NOSIP: variants seen among roughly 807,000 people sequenced by gnomAD.
The protein encoded by NOSIP is nitric oxide synthase interacting protein.
In NOSIP, 25 loss-of-function variants were observed where a neutral mutation model predicts 36.4. That is an observed-to-expected ratio of 0.69 (90% CI 0.50 to 0.96). NOSIP has a LOEUF of 0.96. NOSIP is among the 40% of genes least tolerant of loss of function. NOSIP has a pLI of 0.00. For missense variants in NOSIP, 370 were observed against 429.0 expected (o/e 0.86, Z 1.21); for synonymous variants, 187 against 179.2 (o/e 1.04, Z -0.35).
chr19:49,559,063 C>T lies in NOSIP; in HGVS notation c.177-85G>A, dbSNP rs901334848. On this transcript the variant is annotated intron_variant, in intron 3 of 8. Coordinates refer to ENST00000596358, the MANE Select transcript of NOSIP (RefSeq NM_001270960.2). ...AAGTGCTGGGATTATAGGCAGAAGTCATCATGATCAGTCCCAAGTTCAATT... is the reference window on the plus strand; with the variant it reads ...AAGTGCTGGGATTATAGGCAGAAGTTATCATGATCAGTCCCAAGTTCAATT... The T allele has an allele frequency of 8.6e-6, 9 of 1,042,428 alleles. No individual in the cohort carries two copies. In the Admixed American group the frequency reaches 1.2e-4, roughly 14 times the overall value. The allele number at this position is 1,042,428 out of a possible 1,614,324, so 64.6% of individuals were successfully genotyped here. A position where few individuals can be genotyped will look rare whatever the true frequency, so the allele number is the denominator to read the frequency against.
chr19:49,575,289 A>C (rs1286513302), intron 1 of NOSIP, among the ~76,000 whole-genome samples: 1 of 152,188 alleles, frequency 6.6e-6, no homozygotes, highest in Non-Finnish European at 1.5e-5. Flanking sequence ...ATGAGCCACC[A>C]TGCGCAGCCT....
chr19:49,556,246 G>A, intron 8 of NOSIP, 71 bp downstream of exon 8: 1 of 760,682 alleles, frequency 1.3e-6, no homozygotes, highest in Non-Finnish European at 2.0e-6. Flanking sequence ...AGGGGACGAA[G>A]CCTTGGAGGG....
chr19:49,556,485 C>T, intron 7 of NOSIP, 60 bp from the exon 8 acceptor site: 1 of 1,609,304 alleles, frequency 6.2e-7, no homozygotes, highest in Non-Finnish European at 8.5e-7. Context: ...ACCTACTGGC[C>T]CCAAAGCCGG....
At position 49,560,770 on chromosome 19, in the gene NOSIP, G is replaced by A; in HGVS notation, c.-1-78C>T. ...AGGGAAGACCTCTGCAGCCCTCAGA[G>A]CTGATCTGCCCCCCTTGATGGGAAA... is the stretch of plus-strand genomic sequence containing the variant. On this transcript the variant is annotated intron_variant, in intron 1 of 8. Transcript: ENST00000596358. This position sits in a 1 kb window ranked among gnomAD's most constrained non-coding sequence, Gnocchi z 4.6. 1.8e-6 allele frequency: 2 copies of A among 1,081,944 alleles called. No homozygotes were observed. Among genetic ancestry groups the A allele is most frequent in the Non-Finnish European group, 2.8e-6 (2 of 722,282 alleles). The allele number at this position is 1,081,944 out of a possible 1,614,324, so 67.0% of individuals were successfully genotyped here. A position where few individuals can be genotyped will look rare whatever the true frequency, so the allele number is the denominator to read the frequency against.
At chr19:49,557,991 C>T (rs2080277739) in intron 4 of NOSIP, 13 of 948,578 alleles carry the variant, frequency 1.4e-5, no homozygotes, top group Non-Finnish European at 1.4e-5. Context: ...TGTAGTGTTT[C>T]CTGAGCGCCA....
At chr19:49,556,134 CGGAG>C (rs1568719483) in intron 8 of NOSIP, among the ~76,000 whole-genome samples, 179 bp downstream of exon 8, 1 of 53,556 alleles carries the variant, frequency 1.9e-5, no homozygotes, top group Non-Finnish European at 3.0e-5. Context: ...CCTAGGAGAG[CGGAG>C]GGGGGGAAGG....
At chr19:49,561,137 T>C (rs746708642) in intron 1 of NOSIP, among the ~76,000 whole-genome samples, 2 of 152,192 alleles carry the variant, frequency 1.3e-5, no homozygotes, top group Admixed American at 6.5e-5. Context: ...AGCCCAGTGA[T>C]TGGCTCAAGG....
rs560990784 is a variant in NOSIP, at chr19:49,560,427, A to C, written c.70+195T>G. On this transcript the variant is annotated intron_variant, in intron 2 of 8. Coordinates refer to ENST00000596358, the MANE Select transcript of NOSIP (RefSeq NM_001270960.2). This position sits in a 1 kb window ranked among gnomAD's most constrained non-coding sequence, Gnocchi z 4.6. ...TGTTGGGAGGAGTGAGTTCATGCGC[A>C]GAAGGCAGAGAACACAGTGCCGGGC... 24 of 606,250 alleles carry C rather than the reference A, an allele frequency of 4.0e-5. No homozygotes were observed. The highest frequency in any genetic ancestry group is 1.1e-4 in the East Asian group (4 of 36,068). 37.6% of individuals were successfully genotyped at this position (606,250 alleles called of 1,614,324 possible).
chr19:49,559,768 C>G, intron 3 of NOSIP, 166 bp downstream of exon 3: 2 of 647,144 alleles, frequency 3.1e-6, no homozygotes, highest in Non-Finnish European at 5.6e-6. Context: ...GAAACAGATG[C>G]TAGGATCATG....
Position 49,556,173 on chromosome 19 carries a change from G to GC in NOSIP, c.834+143_834+144insG, listed in dbSNP as rs1312641035. The GC allele has an allele frequency of 1.0e-4, 41 of 409,320 alleles. No homozygotes were observed. The East Asian group carries it at 1.6e-3, about 16-fold the overall frequency. The allele number at this position is 409,320 out of a possible 1,614,324, so 25.4% of individuals were successfully genotyped here. ...GGCGGGGCCTTGCAGGAGAAAGCGG[G>GC]GGGGGGGGGCGGCCTTACAGAGCAG... On this transcript the variant is annotated intron_variant, in intron 8 of 8. Transcript: ENST00000596358.
At chr19:49,564,580 C>T (rs1343423698) in intron 1 of NOSIP, among the ~76,000 whole-genome samples, 1 of 151,994 alleles carries the variant, frequency 6.6e-6, no homozygotes, top group Non-Finnish European at 1.5e-5. Context: ...CCCTCGTGCA[C>T]TGCTCAGGGG....
At position 49,556,998 on chromosome 19, in the gene NOSIP, G is replaced by A. The variant is rs376575345; in HGVS notation, c.419-5C>T. ...TGGGCCCAGGTTGGACATCATCTGT[G>A]GGGGAAGGAAGGGACTCAGATGCCG... On this transcript the variant is annotated splice_polypyrimidine_tract_variant and splice_region_variant and intron_variant, in intron 5 of 8. Coordinates refer to ENST00000596358, the MANE Select transcript of NOSIP (RefSeq NM_001270960.2). The A allele has an allele frequency of 5.6e-6, 9 of 1,604,334 alleles. No individual in the cohort carries two copies. The highest frequency in any genetic ancestry group is 5.3e-5 in the African/African-American group (4 of 74,788).
At chr19:49,575,970 T>A (rs552393462) in intron 1 of NOSIP, among the ~76,000 whole-genome samples, 262 of 151,982 alleles carry the variant, frequency 1.7e-3, no homozygotes, top group African/African-American at 6.2e-3. Flanking sequence ...TCTCTACTAA[T>A]AATACAAAAA....
intron 1 of NOSIP, chr19:49,579,185 C>T (rs1401039418): frequency 6.6e-6 from 1 of 152,200 alleles, no homozygotes; most frequent in African/African-American, 2.4e-5. Context: ...GGACTTGACT[C>T]TGCACCACGT....
chr19:49,575,720 A>C (rs189664765), intron 1 of NOSIP, among the ~76,000 whole-genome samples: 1 of 152,198 alleles, frequency 6.6e-6, no homozygotes, highest in Non-Finnish European at 1.5e-5. Context: ...CCACAGACAC[A>C]CAAACGGGCA....
chr19:49,579,837 A>G (rs1454875527), intron 1 of NOSIP, among the ~76,000 whole-genome samples: 3 of 152,154 alleles, frequency 2.0e-5, no homozygotes, highest in African/African-American at 7.2e-5. Context: ...GGGTGACAGG[A>G]ATTCCTGTAT....
intron 1 of NOSIP, among the ~76,000 whole-genome samples, chr19:49,563,746 C>T (rs1487282974): frequency 2.0e-5 from 3 of 150,324 alleles, no homozygotes; most frequent in Admixed American, 6.6e-5. Context: ...CCACCCGCCT[C>T]GGCCTCCCAA....
chr19:49,568,805 TG>T (rs199918553), intron 1 of NOSIP, among the ~76,000 whole-genome samples: 11,305 of 136,834 alleles, frequency 0.083, 2,048 homozygotes, highest in African/African-American at 0.28. Context: ...ATAGTTTGTT[TG>T]TTTGTTTTTT....
Position 49,557,231 on chromosome 19 carries a change from C to T in NOSIP, c.277G>A (p.Gly93Ser), listed in dbSNP as rs1309230211. The T allele has an allele frequency of 1.3e-6, 2 of 1,591,672 alleles. No individual in the cohort carries two copies. Among genetic ancestry groups the T allele is most frequent in the Non-Finnish European group, 1.7e-6 (2 of 1,169,980 alleles). The change falls in exon 5 of 9, where the codon GGC (glycine) becomes AGC (serine). Residue 93 changes from glycine (G) to serine (S), a missense_variant. Physicochemically the swap from Gly to Ser is moderately conservative, Grantham distance 56. This residue lies in a region of NOSIP where 315 missense variants were observed against 331.9 expected (regional missense o/e 0.95). Coordinates refer to ENST00000596358, the MANE Select transcript of NOSIP (RefSeq NM_001270960.2). ...TCCTTCTGCTCCTCGCGCCGGGTGC[C>T]CCGCTGCTTCTCGTAGGCCTGCGTC... Reference protein sequence around the residue: ...RQMKAYEKQRGTRREEQKELQ... With the variant: ...RQMKAYEKQRSTRREEQKELQ...
Sources: allele counts gnomAD v4.1 joint callset (sites outside exome capture counted in the v4.1 genomes callset), GRCh38; gene constraint gnomAD v4.1.1; regional missense constraint gnomAD v4.1.1; non-coding constraint Gnocchi (gnomAD v3.1); transcripts MANE v1.5; gene names NCBI Gene and HGNC (gene_info 2026-07-23, HGNC 2026-07-21).